EYA4: variants seen among roughly 807,000 people sequenced by gnomAD.
EYA4 encodes the protein protein phosphatase EYA4.
A neutral mutation model predicts 87.9 loss-of-function variants in EYA4; 31 were observed. That is an observed-to-expected ratio of 0.35 (90% CI 0.27 to 0.48). The LOEUF is 0.48. Ranked by LOEUF, EYA4 falls within the 20% of genes least tolerant of loss-of-function variation. EYA4 has a pLI of 0.99. For missense variants in EYA4, 678 were observed against 761.4 expected (o/e 0.89, Z 1.29); for synonymous variants, 263 against 270.6 (o/e 0.97, Z 0.28).
chr6:133,372,090 A>C (rs920968861), intron 2 of EYA4, among the ~76,000 whole-genome samples: 1 of 152,108 alleles, frequency 6.6e-6, no homozygotes, highest in Non-Finnish European at 1.5e-5. Context: ...AAAAATTGTG[A>C]AATTAACTGA....
intron 2 of EYA4, among the ~76,000 whole-genome samples, chr6:133,319,050 T>A (rs1429690361): frequency 1.3e-5 from 2 of 152,182 alleles, no homozygotes; most frequent in Non-Finnish European, 2.9e-5. Flanking sequence ...GTCTAGTAAG[T>A]CCTCATTCTG....
intron 16 of EYA4, among the ~76,000 whole-genome samples, chr6:133,514,147 G>A (rs527237546): frequency 4.1e-4 from 63 of 152,218 alleles, no homozygotes; most frequent in Admixed American, 1.9e-3. Flanking sequence ...CTTAGATATG[G>A]AAGACATTCA....
At chr6:133,343,530 C>T (rs1782958944) in intron 2 of EYA4, among the ~76,000 whole-genome samples, 1 of 151,014 alleles carries the variant, frequency 6.6e-6, no homozygotes, top group Admixed American at 6.6e-5. Flanking sequence ...CCCCCTAGCT[C>T]AACAATACCA....
intron 14 of EYA4, among the ~76,000 whole-genome samples, chr6:133,507,012 T>A (rs553168232): frequency 6.7e-6 from 1 of 148,532 alleles, no homozygotes; most frequent in Non-Finnish European, 1.5e-5. Context: ...TCAGATGGCA[T>A]GTTTAAATTT....
At chr6:133,514,739 C>G (rs541901538) in intron 16 of EYA4, among the ~76,000 whole-genome samples, 69 of 152,236 alleles carry the variant, frequency 4.5e-4, no homozygotes, top group South Asian at 4.1e-3. Flanking sequence ...ATGATTGTAA[C>G]TGTCCTACAC....
At chr6:133,340,276 A>G (rs1023955992) in intron 2 of EYA4, among the ~76,000 whole-genome samples, 2 of 152,198 alleles carry the variant, frequency 1.3e-5, no homozygotes, top group Non-Finnish European at 2.9e-5. Context: ...GGATGGTATA[A>G]TCCTGTGTCC....
intron 2 of EYA4, among the ~76,000 whole-genome samples, chr6:133,333,448 A>G (rs1262290700): frequency 1.3e-5 from 2 of 152,208 alleles, no homozygotes; most frequent in Non-Finnish European, 2.9e-5. Flanking sequence ...ATAGATGACC[A>G]TAACAGTTTA....
At position 133,394,284 on chromosome 6, in the gene EYA4, G is replaced by GTTTTTTTTT. The variant is rs869103311; in HGVS notation, c.83+11869_83+11877dup. Among the ~76,000 whole-genome samples the GTTTTTTTTT allele has an allele frequency of 4.2e-3, 75 of 17,848 alleles. 9 individuals carry two copies. Among genetic ancestry groups the GTTTTTTTTT allele is most frequent in the Middle Eastern group, 0.029 (1 of 34 alleles). The allele number at this position is 17,848 out of a possible 152,430, so 11.7% of individuals were successfully genotyped here. ...TGGAAAAATGTATATATAAGCTTGT[G>GTTTTTTTTT]TTTTTTTTTTTTTTTTTTTTTTTTT... is the stretch of plus-strand genomic sequence containing the variant. On this transcript the variant is annotated intron_variant, in intron 3 of 19. Transcript: ENST00000355286.
intron 2 of EYA4, among the ~76,000 whole-genome samples, chr6:133,373,534 G>A (rs1446323738): frequency 1.3e-5 from 2 of 151,990 alleles, no homozygotes; most frequent in African/African-American, 4.8e-5. Flanking sequence ...TCACTGCGAA[G>A]CTGCACAGTA....
intron 3 of EYA4, among the ~76,000 whole-genome samples, chr6:133,396,015 C>G (rs1787760912): frequency 6.6e-6 from 1 of 152,092 alleles, no homozygotes; most frequent in Non-Finnish European, 1.5e-5. Flanking sequence ...TTCTGTCTCC[C>G]CCTTCTTTTC....
At chr6:133,396,386 G>A (rs891158896) in intron 3 of EYA4, among the ~76,000 whole-genome samples, 2 of 152,182 alleles carry the variant, frequency 1.3e-5, no homozygotes, top group Non-Finnish European at 2.9e-5. Context: ...GGATGTTAGA[G>A]ATCATGCTAG....
At chr6:133,257,387 CTTGAAT>C (rs1775422864) in intron 1 of EYA4, among the ~76,000 whole-genome samples, 1 of 152,068 alleles carries the variant, frequency 6.6e-6, no homozygotes, top group Non-Finnish European at 1.5e-5. Context: ...CTTCAACTGG[CTTGAAT>C]ATTAATTTGA....
intron 7 of EYA4, chr6:133,462,044 G>C: frequency 2.4e-6 from 1 of 421,122 alleles, no homozygotes; most frequent in Non-Finnish European, 4.4e-6. Context: ...ATATGAGCAA[G>C]AATTGTAGAC....
At chr6:133,318,234 T>C (rs1462708000) in intron 2 of EYA4, among the ~76,000 whole-genome samples, 1 of 152,194 alleles carries the variant, frequency 6.6e-6, no homozygotes, top group Non-Finnish European at 1.5e-5. Flanking sequence ...TGGACCCTTC[T>C]ATGGGTGTGA....
Position 133,304,240 on chromosome 6 carries a change from C to G in EYA4, c.33+29427C>G, listed in dbSNP as rs147630032. ...ATTTTAGATTCTGGGGATACATACTCAATTACTTAATTATCTAGTGGGGAA... is the reference window on the plus strand; with the variant it reads ...ATTTTAGATTCTGGGGATACATACTGAATTACTTAATTATCTAGTGGGGAA... On this transcript the variant is annotated intron_variant, in intron 2 of 19. Transcript: ENST00000355286. Among the ~76,000 whole-genome samples, 301 of 152,160 alleles carry G rather than the reference C, an allele frequency of 2.0e-3. 8 individuals carry two copies. In the East Asian group the frequency reaches 0.045, roughly 23 times the overall value.
At chr6:133,248,324 C>T (rs1774588657) in intron 1 of EYA4, 1 of 152,122 alleles carries the variant, frequency 6.6e-6, no homozygotes, top group African/African-American at 2.4e-5. Flanking sequence ...ACAATTAAAT[C>T]ATAAAAATTT....
At chr6:133,468,433 C>A in intron 10 of EYA4, 133 bp from the exon 11 acceptor site, 1 of 762,786 alleles carries the variant, frequency 1.3e-6, no homozygotes, top group South Asian at 1.4e-5. Flanking sequence ...ATTAGGATCA[C>A]CTCAAAGCTG....
chr6:133,503,381 G>T (rs1236190258), intron 13 of EYA4, among the ~76,000 whole-genome samples: 5 of 152,090 alleles, frequency 3.3e-5, no homozygotes, highest in African/African-American at 4.8e-5. Flanking sequence ...AGAAAAATTG[G>T]CAAATCATAG....
At chr6:133,343,882 A>G (rs1288301400) in intron 2 of EYA4, among the ~76,000 whole-genome samples, 1 of 152,098 alleles carries the variant, frequency 6.6e-6, no homozygotes, top group African/African-American at 2.4e-5. Context: ...AAGGTCAAAT[A>G]TATATGGACT....
Sources: gnomAD v4.1 joint callset for allele counts (sites outside exome capture counted in the v4.1 genomes callset) on GRCh38, gnomAD v4.1.1 for gene constraint, MANE v1.5 for transcripts, NCBI Gene and HGNC (gene_info 2026-07-23, HGNC 2026-07-21) for gene names.